Variants in SPATA17 observed in about 807,000 individuals in gnomAD.
The protein encoded by SPATA17 is spermatogenesis-associated protein 17.
SPATA17 carries 53 observed loss-of-function variants against 62.2 expected under a neutral mutation model. The observed-to-expected ratio is 0.85, with a 90% confidence interval of 0.68 to 1.07. SPATA17 has a LOEUF of 1.07. Ranked by LOEUF, SPATA17 falls within the 50% of genes least tolerant of loss-of-function variation. SPATA17 has a pLI of 0.00. For missense variants in SPATA17, 466 were observed against 425.5 expected (o/e 1.10, Z -0.84); for synonymous variants, 146 against 146.8 (o/e 0.99, Z 0.04).
chr1:217,753,633 A>G (rs1263918279), intron 6 of SPATA17, among the ~76,000 whole-genome samples: 3 of 151,922 alleles, frequency 2.0e-5, no homozygotes, highest in Admixed American at 1.3e-4. Context: ...ATGTATATGT[A>G]TACATTTTTA....
At chr1:217,631,507 C>A in intron 1 of SPATA17, 61 bp downstream of exon 1, 1 of 1,559,166 alleles carries the variant, frequency 6.4e-7, no homozygotes, top group Non-Finnish European at 8.8e-7. Flanking sequence ...AGTTGTTCCT[C>A]AGCGGGAGTT....
At chr1:217,794,627 A>C (rs1167154817) in intron 8 of SPATA17, among the ~76,000 whole-genome samples, 1 of 152,244 alleles carries the variant, frequency 6.6e-6, no homozygotes, top group East Asian at 1.9e-4. Context: ...TTTACCGCTT[A>C]TAGCAAAAAT....
At chr1:217,844,231 A>G (rs1256263510) in intron 9 of SPATA17, among the ~76,000 whole-genome samples, 2 of 152,116 alleles carry the variant, frequency 1.3e-5, no homozygotes, top group Non-Finnish European at 2.9e-5. Context: ...AACCCCTAGT[A>G]TAGGAAATTT....
At chr1:217,838,763 A>G (rs1010966036) in intron 9 of SPATA17, among the ~76,000 whole-genome samples, 14 of 152,098 alleles carry the variant, frequency 9.2e-5, no homozygotes, top group Non-Finnish European at 1.5e-4. Context: ...TAATCGAGAG[A>G]TAAGATTATA....
At chr1:217,795,908 C>T (rs1261945670) in intron 8 of SPATA17, among the ~76,000 whole-genome samples, 1 of 152,028 alleles carries the variant, frequency 6.6e-6, no homozygotes, top group Non-Finnish European at 1.5e-5. Flanking sequence ...GGTGATCCTC[C>T]CACCTCAGCC....
intron 1 of SPATA17, among the ~76,000 whole-genome samples, chr1:217,635,705 G>T (rs527637511): frequency 6.6e-5 from 10 of 151,544 alleles, no homozygotes; most frequent in Admixed American, 1.3e-4. Context: ...CTCAAATTCT[G>T]ATTGGCAAGT....
chr1:217,754,853 A>G (rs1163533735), intron 6 of SPATA17, among the ~76,000 whole-genome samples: 3 of 152,134 alleles, frequency 2.0e-5, no homozygotes, highest in African/African-American at 7.2e-5. Context: ...CCTTTATATT[A>G]AAACTAGAGA....
At chr1:217,840,539 A>G (rs1427731303) in intron 9 of SPATA17, among the ~76,000 whole-genome samples, 1 of 151,982 alleles carries the variant, frequency 6.6e-6, no homozygotes, top group Non-Finnish European at 1.5e-5. Flanking sequence ...CCTAGTGTAG[A>G]TCAGCTTCTA....
At chr1:217,754,092 C>A (rs768664706) in intron 6 of SPATA17, among the ~76,000 whole-genome samples, 2 of 151,842 alleles carry the variant, frequency 1.3e-5, no homozygotes, top group Admixed American at 6.6e-5. Context: ...ATTATCCAGG[C>A]AAGGTGGTGC....
chr1:217,662,259 T>A (rs1047187416), intron 3 of SPATA17, among the ~76,000 whole-genome samples: 1 of 152,174 alleles, frequency 6.6e-6, no homozygotes, highest in African/African-American at 2.4e-5. Context: ...TTGTAGTATA[T>A]AATTAGTTTG....
intron 9 of SPATA17, among the ~76,000 whole-genome samples, chr1:217,859,585 T>G (rs1338114086): frequency 6.6e-6 from 1 of 151,974 alleles, no homozygotes; most frequent in Non-Finnish European, 1.5e-5. Context: ...TTTTTAAACT[T>G]TTTGGGAGAT....
chr1:217,758,617 G>C (rs981138415), intron 6 of SPATA17, among the ~76,000 whole-genome samples: 1 of 152,172 alleles, frequency 6.6e-6, no homozygotes, highest in African/African-American at 2.4e-5. Flanking sequence ...TAGTTGAAAT[G>C]ATTCTTGTTT....
intron 9 of SPATA17, among the ~76,000 whole-genome samples, chr1:217,858,314 G>C (rs1396061876): frequency 6.6e-6 from 1 of 152,064 alleles, no homozygotes; most frequent in Non-Finnish European, 1.5e-5. Flanking sequence ...TTTAATTTTT[G>C]AAAGAACATG....
chr1:217,657,790 C>T (rs1156650218), intron 3 of SPATA17, among the ~76,000 whole-genome samples: 1 of 151,916 alleles, frequency 6.6e-6, no homozygotes, highest in Non-Finnish European at 1.5e-5. Context: ...AATGTTTGTC[C>T]CTGTATTAGT....
At chr1:217,866,095 A>C (rs1676005520) in intron 10 of SPATA17, among the ~76,000 whole-genome samples, 1 of 152,158 alleles carries the variant, frequency 6.6e-6, no homozygotes. Flanking sequence ...TGTATGGAAA[A>C]AAGTTCTATG....
At chr1:217,848,580 A>C (rs1558075227) in intron 9 of SPATA17, among the ~76,000 whole-genome samples, 1 of 152,046 alleles carries the variant, frequency 6.6e-6, no homozygotes, top group Non-Finnish European at 1.5e-5. Context: ...CTCTTGTCGA[A>C]GTTTCTCCAC....
chr1:217,752,822 A>G (rs189022395), intron 6 of SPATA17, among the ~76,000 whole-genome samples: 2 of 152,248 alleles, frequency 1.3e-5, no homozygotes, highest in East Asian at 1.9e-4. Flanking sequence ...TCCTATTGCA[A>G]TGAAGCCCCT....
At chr1:217,645,294 A>C (rs1571701223) in intron 1 of SPATA17, among the ~76,000 whole-genome samples, 1 of 152,280 alleles carries the variant, frequency 6.6e-6, no homozygotes, top group Non-Finnish European at 1.5e-5. Flanking sequence ...AGATTAAAAA[A>C]CATAAACCCA....
At chr1:217,814,483 T>A (rs17676166) in intron 9 of SPATA17, among the ~76,000 whole-genome samples, 1 of 152,154 alleles carries the variant, frequency 6.6e-6, no homozygotes, top group African/African-American at 2.4e-5. Flanking sequence ...AGTTTGCCTA[T>A]GAAATTTTCT....
Sources: allele counts gnomAD v4.1 joint callset (sites outside exome capture counted in the v4.1 genomes callset), GRCh38; gene constraint gnomAD v4.1.1; transcripts MANE v1.5; gene names NCBI Gene and HGNC (gene_info 2026-07-23, HGNC 2026-07-21).